The following MTA3 variants were observed in gnomAD, a reference collection of about 807,000 sequenced individuals.
MTA3 encodes metastasis associated 1 family member 3.
MTA3 carries 34 observed loss-of-function variants against 83.5 expected under a neutral mutation model. That is an observed-to-expected ratio of 0.41 (90% confidence interval 0.31 to 0.54). The LOEUF (loss-of-function observed/expected upper bound fraction) is 0.54. Among genes scored for constraint, MTA3 ranks in the 20% least tolerant of loss-of-function variants. The pLI is 0.33. For missense variants in MTA3, 761 were observed against 726.4 expected, an observed-to-expected ratio of 1.05 and a Z score of -0.55; for synonymous variants, 303 against 252.7, an observed-to-expected ratio of 1.20 and a Z score of -1.89.
intron 4 of MTA3, among the ~76,000 whole-genome samples, chr2:42,622,288 C>A (rs1022044159): frequency 3.9e-5 from 6 of 152,018 alleles, no homozygotes; most frequent in African/African-American, 1.2e-4. Flanking sequence ...CGCCTGCAAT[C>A]GCAGGCACTC....
intron 11 of MTA3, 89 bp downstream of exon 11, chr2:42,697,923 T>A: frequency 1.2e-6 from 1 of 866,018 alleles, no homozygotes; most frequent in Non-Finnish European, 1.7e-6. Context: ...CAGCAAAATT[T>A]GAACTTTTGT....
intron 8 of MTA3, chr2:42,680,329 G>A (rs906256940): frequency 5.3e-5 from 8 of 152,272 alleles, no homozygotes; most frequent in African/African-American, 1.7e-4. Context: ...CAGTGGCATA[G>A]CTGGCACTGA....
chr2:42,592,020 T>A lies in MTA3; in HGVS notation c.190+12820T>A, dbSNP rs140261556. Among the ~76,000 whole-genome samples, 3 of 151,106 alleles carry A rather than the reference T, an allele frequency of 2.0e-5. No homozygotes were observed. In the East Asian group the frequency reaches 6.0e-4, roughly 30 times the overall value. ...GGCTCACGCCTGTAATCCCAGCACT[T>A]TGGGGGGCTGAGGCTGGCAGATTGC... On this transcript the variant is annotated intron_variant, in intron 3 of 16. Transcript: ENST00000405094.
chr2:42,661,072 C>A (rs1465186101), intron 8 of MTA3, among the ~76,000 whole-genome samples: 2 of 152,174 alleles, frequency 1.3e-5, no homozygotes, highest in Non-Finnish European at 2.9e-5. Context: ...TTCTCAAAGA[C>A]TAGAATTGTT....
At chr2:42,706,959 T>C (rs970362228) in intron 12 of MTA3, among the ~76,000 whole-genome samples, 19 of 152,010 alleles carry the variant, frequency 1.2e-4, no homozygotes, top group East Asian at 1.2e-3. Context: ...CCTCCCCTAC[T>C]CCCTCCCTCT....
At chr2:42,499,100 T>C (rs1247257730) in intron 2 of MTA3, among the ~76,000 whole-genome samples, 1 of 152,106 alleles carries the variant, frequency 6.6e-6, no homozygotes, top group African/African-American at 2.4e-5. Context: ...CCTAGAGATC[T>C]ACGATGTGGC....
intron 3 of MTA3, among the ~76,000 whole-genome samples, chr2:42,593,460 G>T (rs1463648145): frequency 2.6e-5 from 4 of 152,116 alleles, no homozygotes; most frequent in African/African-American, 9.7e-5. Flanking sequence ...TTTATTTGAT[G>T]GGCAGTACAG....
chr2:42,539,146 G>A (rs1237067305), intron 2 of MTA3, among the ~76,000 whole-genome samples: 3 of 152,106 alleles, frequency 2.0e-5, no homozygotes, highest in Non-Finnish European at 4.4e-5. Flanking sequence ...ATTTCTTTAG[G>A]TTAGTTCCTT....
chr2:42,640,815 G>T (rs1687628053), intron 5 of MTA3, among the ~76,000 whole-genome samples: 1 of 152,122 alleles, frequency 6.6e-6, no homozygotes, highest in Admixed American at 6.6e-5. Context: ...AACATCATTT[G>T]TATGGTGGGA....
Position 42,548,809 on chromosome 2 carries a change from A to AAAAATATATATATATATAT in MTA3, c.-140-21626_-140-21625insAATATATATATATATATAA, listed in dbSNP as rs1298618747. Among the ~76,000 whole-genome samples, 9 of 45,626 alleles carry AAAAATATATATATATATAT rather than the reference A, an allele frequency of 2.0e-4. 1 individual carries two copies. The highest frequency in any genetic ancestry group is 9.0e-4 in the African/African-American group (7 of 7,748). The allele number at this position is 45,626 out of a possible 152,430, so 29.9% of individuals were successfully genotyped here. On this transcript the variant is annotated intron_variant, in intron 2 of 17. Transcript: ENST00000405592. ...CAGAGTGAGACCCTGTCTCAAAAAAAAATATATATATATATATATAATATA... is the reference window on the plus strand; with the variant it reads ...CAGAGTGAGACCCTGTCTCAAAAAAAAAAATATATATATATATATAATATATATATATATATATAATATA...
chr2:42,716,447 C>T (rs1355670690), intron 14 of MTA3, among the ~76,000 whole-genome samples: 2 of 152,054 alleles, frequency 1.3e-5, no homozygotes, highest in Non-Finnish European at 2.9e-5. Context: ...GCCTAGTACC[C>T]ATTAGTTATT....
chr2:42,753,412 T>A lies in MTA3; in HGVS notation c.*13T>A. On this transcript the variant is annotated 3_prime_UTR_variant, in exon 17 of 17. Transcript: ENST00000405094. ...TGTGTCAGACTGAGCTTTCCCTGAT[T>A]CATTCTACAATCCAAGACTTGCTGC... 6.4e-7 allele frequency: 1 copy of A among 1,550,590 alleles called. No homozygotes were observed.
chr2:42,536,148 C>G (rs535011551), intron 2 of MTA3, among the ~76,000 whole-genome samples: 12 of 146,538 alleles, frequency 8.2e-5, no homozygotes, highest in African/African-American at 2.8e-4. Flanking sequence ...AGAGCATTTA[C>G]CCCACAACGG....
At chr2:42,577,483 A>ATTT (rs750217309) in intron 2 of MTA3, among the ~76,000 whole-genome samples, 1 of 142,520 alleles carries the variant, frequency 7.0e-6, no homozygotes, top group Non-Finnish European at 1.5e-5. Flanking sequence ...GTTGATTTGG[A>ATTT]TTTTTTTTTT....
At chr2:42,738,962 A>G (rs530211208) in intron 16 of MTA3, among the ~76,000 whole-genome samples, 20 of 152,292 alleles carry the variant, frequency 1.3e-4, no homozygotes, top group Admixed American at 2.6e-4. Flanking sequence ...TATCAATGAC[A>G]ATGGTGCCCG....
At chr2:42,513,597 T>A (rs1035800075) in intron 2 of MTA3, among the ~76,000 whole-genome samples, 1 of 152,048 alleles carries the variant, frequency 6.6e-6, no homozygotes, top group African/African-American at 2.4e-5. Context: ...ATCAAGACCC[T>A]CAGAAGTAGT....
intron 2 of MTA3, among the ~76,000 whole-genome samples, chr2:42,547,656 CA>C (rs1676819075): frequency 6.6e-6 from 1 of 152,122 alleles, no homozygotes; most frequent in African/African-American, 2.4e-5. Context: ...GAACACTCAG[CA>C]GTTGAAGTAT....
intron 5 of MTA3, among the ~76,000 whole-genome samples, chr2:42,643,916 A>C (rs573047654): frequency 6.6e-6 from 1 of 152,302 alleles, no homozygotes; most frequent in African/African-American, 2.4e-5. Context: ...CTTTGTTTCA[A>C]GCTGTTTCTT....
chr2:42,719,443 C>T (rs959901531), intron 15 of MTA3, among the ~76,000 whole-genome samples: 2 of 152,190 alleles, frequency 1.3e-5, no homozygotes, highest in African/African-American at 2.4e-5. Flanking sequence ...TCTAACTCAC[C>T]TCACCTCTTT....
Sources: gnomAD v4.1 joint callset for allele counts (sites outside exome capture counted in the v4.1 genomes callset) on GRCh38, gnomAD v4.1.1 for gene constraint, MANE v1.5 for transcripts, NCBI Gene and HGNC (gene_info 2026-07-23, HGNC 2026-07-21) for gene names.